Variants in SPTBN1 observed in about 807,000 individuals in gnomAD.
SPTBN1 encodes spectrin beta chain, non-erythrocytic 1.
A neutral mutation model predicts 266.4 loss-of-function variants in SPTBN1; 32 were observed. The observed-to-expected ratio is 0.12, with a 90% confidence interval of 0.09 to 0.16. SPTBN1 has a LOEUF of 0.16. SPTBN1 is among the 10% of genes least tolerant of loss of function. The pLI, the probability that SPTBN1 is intolerant of heterozygous loss-of-function variation, is 1.00. For synonymous variants in SPTBN1, 1,336 were observed against 1,162.2 expected (o/e 1.15, Z -3.04); for missense variants, 2,296 against 3,067.1 (o/e 0.75, Z 5.94).
chr2:54,599,313 T>G (rs1676316946), intron 3 of SPTBN1, 70 bp downstream of exon 3: 1 of 1,560,178 alleles, frequency 6.4e-7, no homozygotes, highest in African/African-American at 1.4e-5. Flanking sequence ...AAGTGTGACT[T>G]GTCTCCTGTT....
At chr2:54,568,349 C>CAAAA (rs888478845) in intron 2 of SPTBN1, among the ~76,000 whole-genome samples, 34 of 95,628 alleles carry the variant, frequency 3.6e-4, no homozygotes, top group East Asian at 9.2e-4. Flanking sequence ...GACTCTGTCT[C>CAAAA]AAAAAAAAAA....
chr2:54,555,216 G>C (rs1219752163), intron 2 of SPTBN1, among the ~76,000 whole-genome samples: 1 of 151,954 alleles, frequency 6.6e-6, no homozygotes, highest in Admixed American at 6.6e-5. Context: ...TCCTTTCCTA[G>C]ATTTAACCCC....
chr2:54,662,903 G>A (rs1332648572), intron 32 of SPTBN1: 1 of 152,160 alleles, frequency 6.6e-6, no homozygotes, highest in Non-Finnish European at 1.5e-5. Context: ...ACCCCCACAA[G>A]TCTTTTTTCC....
At chr2:54,555,407 T>C (rs751994183) in intron 2 of SPTBN1, among the ~76,000 whole-genome samples, 7 of 152,242 alleles carry the variant, frequency 4.6e-5, no homozygotes, top group Non-Finnish European at 8.8e-5. Context: ...TGTAAAACCC[T>C]GAGAGTCTTC....
rs973279640 is a variant in SPTBN1 at position 54,629,174 on chromosome 2, C to T, written c.2040C>T (p.His680=). ...LTSVMRLLSK[H]RAFEDEMSGR... The stretch of plus-strand genomic sequence containing the variant: ...GCGTCATGCGCCTGCTCAGCAAGCA[C>T]CGGGCGTTCGAGGACGAGATGAGCG... Residue 680 remains histidine (H), a synonymous_variant, in exon 14 of 36, where the codon CAC becomes CAT. Transcript: ENST00000356805. The T allele has an allele frequency of 5.0e-6, 8 of 1,613,606 alleles. No homozygotes were observed. Among genetic ancestry groups the T allele is most frequent in the Non-Finnish European group, 6.8e-6 (8 of 1,179,928 alleles).
intron 2 of SPTBN1, among the ~76,000 whole-genome samples, chr2:54,553,824 G>C (rs963145218): frequency 3.3e-5 from 5 of 152,134 alleles, no homozygotes; most frequent in African/African-American, 1.2e-4. Context: ...AACATCTAAA[G>C]TTTACCCACT....
At chr2:54,552,825 G>A (rs1212023590) in intron 2 of SPTBN1, among the ~76,000 whole-genome samples, 1 of 152,212 alleles carries the variant, frequency 6.6e-6, no homozygotes, top group Non-Finnish European at 1.5e-5. Flanking sequence ...ATGCTTACAT[G>A]GGCGGTACTC....
intron 2 of SPTBN1, among the ~76,000 whole-genome samples, chr2:54,580,746 T>A (rs1330072697): frequency 6.6e-6 from 1 of 152,124 alleles, no homozygotes; most frequent in Non-Finnish European, 1.5e-5. Context: ...GGAGCCAATA[T>A]GAGAGACACA....
intron 12 of SPTBN1, among the ~76,000 whole-genome samples, chr2:54,627,271 G>C (rs1255622236): frequency 6.6e-6 from 1 of 152,198 alleles, no homozygotes; most frequent in African/African-American, 2.4e-5. Context: ...AAATGTAGCA[G>C]AGAGGGACTT....
chr2:54,526,745 C>G, intron 2 of SPTBN1, 179 bp downstream of exon 2: 1 of 697,350 alleles, frequency 1.4e-6, no homozygotes. Context: ...ATTTGGAGAG[C>G]TGTCAACTCT....
intron 16 of SPTBN1, 137 bp from the exon 17 acceptor site, chr2:54,632,429 T>C: frequency 1.0e-6 from 1 of 987,754 alleles, no homozygotes; most frequent in Non-Finnish European, 1.5e-6. Flanking sequence ...CTCCTAACTT[T>C]TAATTTGATG....
At chr2:54,495,629 G>C (rs1053533277) in intron 1 of SPTBN1, among the ~76,000 whole-genome samples, 2 of 150,356 alleles carry the variant, frequency 1.3e-5, no homozygotes, top group East Asian at 3.9e-4. Flanking sequence ...TATTGTTTCA[G>C]ATATATGTAT....
chr2:54,482,451 A>T (rs1332123562), intron 1 of SPTBN1, among the ~76,000 whole-genome samples: 1 of 152,178 alleles, frequency 6.6e-6, no homozygotes, highest in Non-Finnish European at 1.5e-5. Context: ...TGTCTGGGAT[A>T]CAGAATGGGC....
chr2:54,532,313 CA>C (rs1286208598), intron 2 of SPTBN1, among the ~76,000 whole-genome samples: 3 of 152,140 alleles, frequency 2.0e-5, no homozygotes, highest in Non-Finnish European at 1.5e-5. Context: ...TTAGAATTAA[CA>C]TTGAGTATTG....
intron 2 of SPTBN1, among the ~76,000 whole-genome samples, chr2:54,577,178 G>T (rs1674548062): frequency 6.6e-6 from 1 of 152,206 alleles, no homozygotes; most frequent in African/African-American, 2.4e-5. Context: ...CTGCTTAGCA[G>T]CTGATGTTGG....
intron 1 of SPTBN1, among the ~76,000 whole-genome samples, chr2:54,465,709 A>G (rs1030504483): frequency 5.5e-5 from 8 of 144,558 alleles, no homozygotes; most frequent in Admixed American, 2.2e-4. Context: ...TGATTGAGTA[A>G]TCTCTACCAC....
At chr2:54,631,760 T>A in intron 16 of SPTBN1, 149 bp downstream of exon 16, 1 of 1,086,072 alleles carries the variant, frequency 9.2e-7, no homozygotes, top group Non-Finnish European at 1.3e-6. Context: ...CCCATACTCT[T>A]AAGGCATTGA....
At chr2:54,529,430 T>G in intron 2 of SPTBN1, 1 of 704,034 alleles carries the variant, frequency 1.4e-6, no homozygotes, top group South Asian at 1.4e-5. Context: ...GAAGGTAGTG[T>G]TGAAAGGTGT....
At chr2:54,617,829 A>C in intron 6 of SPTBN1, 141 bp downstream of exon 6, 1 of 767,654 alleles carries the variant, frequency 1.3e-6, no homozygotes, top group South Asian at 1.9e-5. Context: ...TGAGGAAAAT[A>C]TGGGAGAATA....
Sources: gnomAD v4.1 joint callset for allele counts (sites outside exome capture counted in the v4.1 genomes callset) on GRCh38, gnomAD v4.1.1 for gene constraint, MANE v1.5 for transcripts, NCBI Gene and HGNC (gene_info 2026-07-23, HGNC 2026-07-21) for gene names.